MXRA5: variants seen among roughly 807,000 people sequenced by gnomAD.
The protein encoded by MXRA5 is matrix remodeling associated 5.
A neutral mutation model predicts 112.5 loss-of-function variants in MXRA5; 41 were observed. The observed-to-expected ratio is 0.36, with a 90% CI of 0.28 to 0.47. MXRA5 has a LOEUF of 0.47. Among genes scored for constraint, MXRA5 ranks in the 20% least tolerant of loss-of-function variants. The pLI is 0.99. For synonymous variants in MXRA5, 862 were observed against 900.8 expected (o/e 0.96, Z 0.77); for missense variants, 2,150 against 2,251.0 (o/e 0.96, Z 0.91).
intron 6 of MXRA5, among the ~76,000 whole-genome samples, chrX:3,313,027 T>C (rs1004043662): frequency 6.2e-5 from 7 of 112,420 alleles, no homozygotes; most frequent in African/African-American, 2.3e-4. Flanking sequence ...ATCAAGTCAA[T>C]GTAACTTGGT....
intron 4 of MXRA5, among the ~76,000 whole-genome samples, chrX:3,326,778 A>ACTC (rs1921522231): frequency 9.1e-6 from 1 of 109,882 alleles, no homozygotes; most frequent in Admixed American, 9.9e-5. Flanking sequence ...GTCCTCCTTG[A>ACTC]CTTGAGCCTA....
chrX:3,343,922 A>G (rs1922048255), intron 1 of MXRA5, 61 bp from the exon 2 acceptor site: 9 of 975,267 alleles, frequency 9.2e-6, no homozygotes, highest in African/African-American at 1.9e-5. Context: ...ACTGTGGGCA[A>G]TTTTTAAATT....
chrX:3,316,545 G>A, intron 6 of MXRA5, among the ~76,000 whole-genome samples: 1 of 2,532 alleles, frequency 3.9e-4, no homozygotes, highest in Non-Finnish European at 5.9e-4. Flanking sequence ...GTGCACACCT[G>A]TAGTCCCAGC....
intron 5 of MXRA5, among the ~76,000 whole-genome samples, chrX:3,318,846 T>G (rs1921220455): frequency 2.2e-5 from 2 of 89,386 alleles, no homozygotes; most frequent in Non-Finnish European, 4.4e-5. Flanking sequence ...TGAAATGCCA[T>G]TCTGTCTTTT....
At chrX:3,315,283 T>G (rs1181697443) in intron 6 of MXRA5, among the ~76,000 whole-genome samples, 1 of 97,860 alleles carries the variant, frequency 1.0e-5, no homozygotes, top group African/African-American at 4.2e-5. Context: ...ACCACTGCCA[T>G]AGATGATGGA....
At position 3,322,269 on chromosome X, in the gene MXRA5, G is replaced by C. The variant is rs765326302; in HGVS notation, c.3416C>G (p.Ser1139Ter). 8.3e-7 allele frequency: 1 copy of C among 1,203,272 alleles called. No individual in the cohort carries two copies. The highest frequency in any genetic ancestry group is 1.8e-5 in the African/African-American group (1 of 56,902). The change falls in exon 5 of 7, where the codon TCA (serine) becomes TGA (stop). Residue 1139 changes from serine to a stop codon, truncating the protein, a stop_gained. Coordinates refer to ENST00000217939, the MANE Select transcript of MXRA5 (RefSeq NM_015419.4). LOFTEE classifies it high-confidence loss of function. ...AGAAGGGTGAGTGCTCATGGTGGAT[G>C]ACGGAGCAACTTTTTGCCTTGGTGT... ...TTTPRQKVAP[S>*]STMSTHPSRR...
chrX:3,346,024 G>A (rs1384009153), intron 1 of MXRA5, among the ~76,000 whole-genome samples: 1 of 112,467 alleles, frequency 8.9e-6, no homozygotes, highest in Non-Finnish European at 1.9e-5. Flanking sequence ...GGCGGGGAAG[G>A]AGAGGGGGAA....
At chrX:3,335,233 G>A (rs1472583264) in intron 2 of MXRA5, among the ~76,000 whole-genome samples, 1 of 110,956 alleles carries the variant, frequency 9.0e-6, no homozygotes, top group African/African-American at 3.3e-5. Flanking sequence ...GTCTCCCTCT[G>A]TCGCCCAGGC....
rs751118816 is a variant in MXRA5, at chrX:3,343,679, C to T, written c.155G>A (p.Gly52Asp). 11 of 1,210,197 alleles carry T rather than the reference C, an allele frequency of 9.1e-6. No homozygotes were observed. The African/African-American group carries it at 1.6e-4, about 17-fold the overall frequency. The stretch of plus-strand genomic sequence containing the variant: ...GATTCTTTCCACGTGTTTAGCAATG[C>T]CAGCGGGCACGGAAGCCAGGGATCG... ...TFRSLASVPA[G>D]IAKHVERINL... Residue 52 changes from glycine (G) to aspartate (D), a missense_variant, in exon 2 of 7, where the codon GGC becomes GAC. By Grantham distance (94) the Gly-to-Asp change is moderately conservative (BLOSUM62 -1). Coordinates refer to ENST00000217939, the MANE Select transcript of MXRA5 (RefSeq NM_015419.4).
At chrX:3,343,568 T>G (rs1922036098) in intron 2 of MXRA5, 78 bp downstream of exon 2, 3 of 943,591 alleles carry the variant, frequency 3.2e-6, no homozygotes, top group Middle Eastern at 3.0e-4. Context: ...GTTAAGTAAA[T>G]GCACATACAC....
Position 3,323,379 on chromosome X carries a change from C to T in MXRA5, c.2306G>A (p.Arg769Gln), listed in dbSNP as rs746430389. The T allele has an allele frequency of 5.8e-6, 7 of 1,210,014 alleles. No individual in the cohort carries two copies. The highest frequency in any genetic ancestry group is 5.2e-5 in the African/African-American group (3 of 57,200). The change falls in exon 5 of 7, where the codon CGA becomes CAA. Residue 769 changes from arginine (R) to glutamine (Q), a missense_variant. Arg to Gln is a conservative substitution (Grantham distance 43, BLOSUM62 1). Coordinates refer to ENST00000217939, the MANE Select transcript of MXRA5 (RefSeq NM_015419.4). ...AEGRRVFESR[R>Q]RINMANKQIN... ...CTGTTTGTTTGCCATGTTTATCCTT[C>T]GTCTAGATTCAAACACTCTGCGACC...
At chrX:3,334,340 T>C (rs1329025047) in intron 2 of MXRA5, among the ~76,000 whole-genome samples, 2 of 111,655 alleles carry the variant, frequency 1.8e-5, no homozygotes, top group Non-Finnish European at 3.8e-5. Context: ...CCCAGAGAAG[T>C]TACCAAGCTT....
intron 6 of MXRA5, among the ~76,000 whole-genome samples, chrX:3,316,142 G>A (rs1921116977): frequency 1.3e-5 from 1 of 75,098 alleles, no homozygotes; most frequent in African/African-American, 6.8e-5. Context: ...GTGAAACCCC[G>A]TCTCTACTAA....
At chrX:3,316,821 C>T (rs1241600470) in intron 6 of MXRA5, among the ~76,000 whole-genome samples, 37 of 108,900 alleles carry the variant, frequency 3.4e-4, no homozygotes, top group African/African-American at 1.1e-3. Flanking sequence ...GGACTACAGA[C>T]GCTCGCCACA....
intron 5 of MXRA5, among the ~76,000 whole-genome samples, chrX:3,318,772 T>C (rs1438823248): frequency 8.9e-6 from 1 of 111,851 alleles, no homozygotes; most frequent in Admixed American, 9.5e-5. Context: ...AGCCAAGATA[T>C]GGAATTCAGC....
chrX:3,343,920 C>T (rs934426810), intron 1 of MXRA5, 59 bp from the exon 2 acceptor site: 4 of 993,292 alleles, frequency 4.0e-6, no homozygotes, highest in Non-Finnish European at 4.1e-6. Flanking sequence ...GAACTGTGGG[C>T]AATTTTTAAA....
At position 3,310,064 on chromosome X, in the gene MXRA5, C is replaced by A; in HGVS notation, c.8139G>T (p.Met2713Ile). The A allele has an allele frequency of 8.3e-7, 1 of 1,211,575 alleles. No individual in the cohort carries two copies. Among genetic ancestry groups the A allele is most frequent in the Non-Finnish European group, 1.1e-6 (1 of 895,439 alleles). The change falls in exon 7 of 7, where the codon ATG (methionine) becomes ATT (isoleucine). Residue 2713 changes from methionine (M) to isoleucine (I), a missense_variant. Transcript: ENST00000217939. ...VFDRGTYVCR[M>I]ETEYGPSVTS... Reference sequence around the variant, plus strand: ...TGACCGAAGGGCCGTACTCCGTCTCCATCCTGCATACATAGGTACCCCTGT... The same window carrying A: ...TGACCGAAGGGCCGTACTCCGTCTCAATCCTGCATACATAGGTACCCCTGT...
intron 2 of MXRA5, among the ~76,000 whole-genome samples, chrX:3,336,828 G>T (rs1921794208): frequency 8.9e-6 from 1 of 111,784 alleles, no homozygotes; most frequent in South Asian, 3.8e-4. Context: ...AATAAGGCAG[G>T]TGCTGTTTGA....
Position 3,322,383 on chromosome X carries a change from C to A in MXRA5, c.3302G>T (p.Gly1101Val), listed in dbSNP as rs763293177. 8.3e-7 allele frequency: 1 copy of A among 1,211,453 alleles called. No homozygotes were observed. Among genetic ancestry groups the A allele is most frequent in the Admixed American group, 2.2e-5 (1 of 45,979 alleles). ...AACTGGAGACATACTGCTCATTATACCCAGTGTGGAGTCAGGCAAAGTGAT... is the reference window on the plus strand; with the variant it reads ...AACTGGAGACATACTGCTCATTATAACCAGTGTGGAGTCAGGCAAAGTGAT... ...KSITLPDSTL[G>V]IMSSMSPVKK... The change falls in exon 5 of 7, where the codon GGT (glycine) becomes GTT (valine). Residue 1101 changes from glycine to valine, a missense_variant. By Grantham distance (109) the Gly-to-Val change is moderately radical (BLOSUM62 -3). Around this residue, in one of 6 missense-constraint regions of MXRA5, gnomAD observed 1,485 missense variants for 1,471.6 expected, o/e 1.01. Transcript: ENST00000217939.
Sources: allele counts gnomAD v4.1 joint callset (sites outside exome capture counted in the v4.1 genomes callset), GRCh38; gene constraint gnomAD v4.1.1; regional missense constraint gnomAD v4.1.1; transcripts MANE v1.5; gene names NCBI Gene and HGNC (gene_info 2026-07-23, HGNC 2026-07-21).